The following ZNF429 variants were observed in gnomAD, a reference collection of about 807,000 sequenced individuals.
The protein encoded by ZNF429 is zinc finger protein 429.
Under a neutral mutation model 56.8 loss-of-function variants are expected in ZNF429, and 53 were observed. The observed-to-expected ratio is 0.93, with a 90% CI of 0.75 to 1.17. The LOEUF (loss-of-function observed/expected upper bound fraction) is 1.17, where lower values mean the gene tolerates loss of function less well. Ranked by LOEUF, ZNF429 falls within the 50% of genes most tolerant of loss-of-function variation. ZNF429 has a pLI of 0.00. For missense variants in ZNF429, 849 were observed against 788.4 expected, an observed-to-expected ratio of 1.08 and a Z score of -0.92; for synonymous variants, 278 against 264.7, an observed-to-expected ratio of 1.05 and a Z score of -0.49.
At position 21,539,605 on chromosome 19, in the gene ZNF429, A is replaced by G. The variant is rs1044852204; in HGVS notation, c.*1527A>G. Among the ~76,000 whole-genome samples, 10 of 116,410 alleles carry G rather than the reference A, an allele frequency of 8.6e-5. No homozygotes were observed. Among genetic ancestry groups the G allele is most frequent in the Non-Finnish European group, 1.3e-4 (7 of 53,874 alleles). The allele number at this position is 116,410 out of a possible 152,430, so 76.4% of individuals were successfully genotyped here. A position where few individuals can be genotyped will look rare whatever the true frequency, so the allele number is the denominator to read the frequency against. On this transcript the variant is annotated 3_prime_UTR_variant, in exon 4 of 4. Transcript: ENST00000358491. ...TCTGGCTATTTTTTTTTTTTTTTGTATTTTTAGTAGAGATGAGATTTCACC... is the reference window on the plus strand; with the variant it reads ...TCTGGCTATTTTTTTTTTTTTTTGTGTTTTTAGTAGAGATGAGATTTCACC...
At chr19:21,510,934 A>AT in intron 1 of ZNF429, among the ~76,000 whole-genome samples, 1 of 151,988 alleles carries the variant, frequency 6.6e-6, no homozygotes. Flanking sequence ...AGGCAGAAGA[A>AT]TTTTTCTTAG....
rs2033801582 is a variant in ZNF429, at chr19:21,538,285, A to T, written c.*207A>T. ...AGAGCCAGACTCCATCTCAAAAAAA[A>T]AAAAAAAAAAAAAAGAAAAGAAAAT... On this transcript the variant is annotated 3_prime_UTR_variant, in exon 4 of 4. Coordinates refer to ENST00000358491, the MANE Select transcript of ZNF429 (RefSeq NM_001001415.4). Among the ~76,000 whole-genome samples, 1 of 143,182 alleles carries T rather than the reference A, an allele frequency of 7.0e-6. No individual in the cohort carries two copies. Among genetic ancestry groups the T allele is most frequent in the Non-Finnish European group, 1.5e-5 (1 of 65,790 alleles). 93.9% of individuals were successfully genotyped at this position (143,182 alleles called of 152,430 possible).
chr19:21,535,411 CTT>C, intron 3 of ZNF429, among the ~76,000 whole-genome samples: 1 of 38,426 alleles, frequency 2.6e-5, no homozygotes, highest in Admixed American at 2.5e-4. Flanking sequence ...CTTTCTTTTT[CTT>C]TTCTTTCTTT....
intron 1 of ZNF429, among the ~76,000 whole-genome samples, chr19:21,506,870 G>A (rs1020783189): frequency 6.9e-6 from 1 of 144,596 alleles, no homozygotes; most frequent in Non-Finnish European, 1.5e-5. Context: ...CCGTGTTCAA[G>A]TAATTCTCCT....
At chr19:21,535,343 CCTTTCCTTTCT>C in intron 3 of ZNF429, among the ~76,000 whole-genome samples, 1 of 88,208 alleles carries the variant, frequency 1.1e-5, no homozygotes, top group Non-Finnish European at 2.5e-5. Flanking sequence ...TCTTTTCTTT[CCTTTCCTTTCT>C]TTTCTTCTTT....
Position 21,530,833 on chromosome 19 carries a change from C to T in ZNF429, c.226+149C>T. Reference sequence around the variant, plus strand: ...GTTCTAAAAAACTTTCAGCCTGGCACAGTGGTTCACACGTGTAATCCCAGC... The same window carrying T: ...GTTCTAAAAAACTTTCAGCCTGGCATAGTGGTTCACACGTGTAATCCCAGC... On this transcript the variant is annotated intron_variant, in intron 3 of 3. Coordinates refer to ENST00000358491, the MANE Select transcript of ZNF429 (RefSeq NM_001001415.4). 23 of 629,218 alleles carry T rather than the reference C, an allele frequency of 3.7e-5. 1 individual carries two copies. Among genetic ancestry groups the T allele is most frequent in the East Asian group, 2.6e-4 (9 of 34,006 alleles). The allele number at this position is 629,218 out of a possible 1,614,324, so 39.0% of individuals were successfully genotyped here.
At position 21,536,674 on chromosome 19, in the gene ZNF429, C is replaced by T; in HGVS notation, c.621C>T (p.Gly207=). 1 of 1,613,840 alleles carries T rather than the reference C, an allele frequency of 6.2e-7. No individual in the cohort carries two copies. Among genetic ancestry groups the T allele is most frequent in the East Asian group, 2.2e-5 (1 of 44,850 alleles). The part of the protein sequence containing the change: ...RENTYRCKEF[G]NAFNQSSALT... ...ATACCTACAGATGTAAAGAATTTGGCAATGCCTTTAATCAGTCCTCAGCCC... is the reference window on the plus strand; with the variant it reads ...ATACCTACAGATGTAAAGAATTTGGTAATGCCTTTAATCAGTCCTCAGCCC... The change falls in exon 4 of 4, where the codon GGC becomes GGT. Residue 207 remains glycine, a synonymous_variant. Transcript: ENST00000358491.
chr19:21,531,126 A>C, intron 3 of ZNF429, among the ~76,000 whole-genome samples: 1,576 of 106,102 alleles, frequency 0.015, 67 homozygotes, highest in African/African-American at 0.052. Flanking sequence ...AAAAAAAAAA[A>C]AAACCAAAAA....
At chr19:21,522,051 A>T (rs1232560834) in intron 1 of ZNF429, among the ~76,000 whole-genome samples, 1 of 152,192 alleles carries the variant, frequency 6.6e-6, no homozygotes, top group South Asian at 2.1e-4. Context: ...AGGAGAGGGT[A>T]AGCAGGAGTG....
intron 3 of ZNF429, among the ~76,000 whole-genome samples, chr19:21,533,367 T>C: frequency 6.6e-6 from 1 of 151,970 alleles, no homozygotes; most frequent in Non-Finnish European, 1.5e-5. Flanking sequence ...ATCCATGTGA[T>C]TTGCATACAT....
rs2033754197 is a variant in ZNF429, at chr19:21,537,575, C to A, written c.1522C>A (p.Pro508Thr). Reference sequence around the variant, plus strand: ...TAAAAAAATTCATAGTGGAGAGAAACCCTACAAATGTGAAGAATGTGGCAA... The same window carrying A: ...TAAAAAAATTCATAGTGGAGAGAAAACCTACAAATGTGAAGAATGTGGCAA... ...SHKKIHSGEK[P>T]YKCEECGKAF... Residue 508 changes from proline to threonine, a missense_variant, in exon 4 of 4, where the codon CCC becomes ACC. Pro to Thr is a conservative substitution (Grantham distance 38, BLOSUM62 -1). Coordinates refer to ENST00000358491, the MANE Select transcript of ZNF429 (RefSeq NM_001001415.4). 17 of 1,613,594 alleles carry A rather than the reference C, an allele frequency of 1.1e-5. No individual in the cohort carries two copies. Among genetic ancestry groups the A allele is most frequent in the Non-Finnish European group, 1.4e-5 (17 of 1,179,984 alleles).
chr19:21,534,792 G>GTT, intron 3 of ZNF429, among the ~76,000 whole-genome samples: 1,859 of 143,748 alleles, frequency 0.013, 24 homozygotes, highest in South Asian at 0.022. Context: ...TGTTTTTTGT[G>GTT]TTTTTTTTTT....
chr19:21,509,584 C>G (rs1014191949), intron 1 of ZNF429, among the ~76,000 whole-genome samples: 1 of 152,152 alleles, frequency 6.6e-6, no homozygotes, highest in Non-Finnish European at 1.5e-5. Flanking sequence ...TGGGGAGCCT[C>G]CCCTGCAGGT....
At chr19:21,528,704 CA>C (rs998155041) in intron 1 of ZNF429, among the ~76,000 whole-genome samples, 16 of 149,210 alleles carry the variant, frequency 1.1e-4, no homozygotes, top group African/African-American at 3.7e-4. Context: ...GACTCCGTCT[CA>C]AAAAAAAGAA....
At chr19:21,512,396 T>C (rs1388462598) in intron 1 of ZNF429, among the ~76,000 whole-genome samples, 6 of 151,906 alleles carry the variant, frequency 3.9e-5, no homozygotes, top group African/African-American at 1.2e-4. Context: ...CTGTGGGCCA[T>C]GCGCGGTAAT....
intron 1 of ZNF429, among the ~76,000 whole-genome samples, chr19:21,519,428 A>G (rs2032902723): frequency 6.6e-6 from 1 of 152,222 alleles, no homozygotes; most frequent in South Asian, 2.1e-4. Context: ...AGGTTATAAG[A>G]TAAGCCCATG....
intron 3 of ZNF429, among the ~76,000 whole-genome samples, chr19:21,533,715 G>A: frequency 6.7e-6 from 1 of 149,566 alleles, no homozygotes; most frequent in Non-Finnish European, 1.5e-5. Context: ...GAGTGTACCG[G>A]TGTAGTCTCA....
intron 3 of ZNF429, among the ~76,000 whole-genome samples, chr19:21,535,972 T>C: frequency 6.6e-6 from 1 of 152,224 alleles, no homozygotes; most frequent in East Asian, 1.9e-4. Flanking sequence ...AAAGGCACTG[T>C]GTTTTATTGG....
intron 1 of ZNF429, 24 bp from the exon 2 acceptor site, chr19:21,529,634 T>C (rs1455214616): frequency 6.7e-7 from 1 of 1,494,342 alleles, no homozygotes; most frequent in Non-Finnish European, 8.9e-7. Context: ...TCTCTCTCCT[T>C]CTGTTGGTGT....
Sources: allele counts gnomAD v4.1 joint callset (sites outside exome capture counted in the v4.1 genomes callset), GRCh38; gene constraint gnomAD v4.1.1; transcripts MANE v1.5; gene names NCBI Gene and HGNC (gene_info 2026-07-23, HGNC 2026-07-21).